The following PLXNB3 variants were observed in gnomAD, a reference collection of about 807,000 sequenced individuals.
The protein encoded by PLXNB3 is plexin B3, also known as plexin-B3.
Under a neutral mutation model 125.7 loss-of-function variants are expected in PLXNB3, and 80 were observed. The ratio of observed to expected loss-of-function variants is 0.64; its 90% CI spans 0.53 to 0.77. PLXNB3 has a LOEUF of 0.77. PLXNB3 is among the 30% of genes least tolerant of loss of function. PLXNB3 has a pLI of 0.00. For synonymous variants in PLXNB3, 954 were observed against 783.3 expected, an observed-to-expected ratio of 1.22 and a Z score of -3.64; for missense variants, 1,836 against 1,729.3, an observed-to-expected ratio of 1.06 and a Z score of -1.09.
chrX:153,768,827 G>A, intron 4 of PLXNB3, 121 bp from the exon 5 acceptor site: 2 of 841,797 alleles, frequency 2.4e-6, no homozygotes, highest in Non-Finnish European at 3.4e-6. Flanking sequence ...GTCCTCCCTC[G>A]ATGGCCCGGC....
In PLXNB3 at chrX:153,774,403, C is replaced by T. The variant is rs1557063226; in HGVS notation, c.3679-17C>T. 2.6e-6 allele frequency: 3 copies of T among 1,169,738 alleles called. No homozygotes were observed. The highest frequency in any genetic ancestry group is 3.4e-6 in the Non-Finnish European group (3 of 873,326). ...GGTGCCGCCAGCATGCACTCAGGAACCCTGCCCGCCCCCCAGGTGCAGATG... is the reference window on the plus strand; with the variant it reads ...GGTGCCGCCAGCATGCACTCAGGAATCCTGCCCGCCCCCCAGGTGCAGATG... On this transcript the variant is annotated splice_polypyrimidine_tract_variant and intron_variant, in intron 21 of 35. Transcript: ENST00000361971.
chrX:153,771,234 G>T, intron 12 of PLXNB3, 76 bp from the exon 13 acceptor site: 1 of 963,647 alleles, frequency 1.0e-6, no homozygotes, highest in Non-Finnish European at 1.5e-6. Context: ...ATTCATTCTG[G>T]GGGGTGGCCC....
chrX:153,768,866 C>A, intron 4 of PLXNB3, 82 bp from the exon 5 acceptor site: 3 of 1,082,019 alleles, frequency 2.8e-6, no homozygotes, highest in African/African-American at 1.8e-5. Context: ...TAAAAAGGAG[C>A]CCCCACTAGG....
At chrX:153,773,469 G>A (rs782751711) in intron 18 of PLXNB3, 49 bp from the exon 19 acceptor site, 2 of 1,183,178 alleles carry the variant, frequency 1.7e-6, no homozygotes. Flanking sequence ...ATGCGGGCTG[G>A]GCTATGTTGC....
Position 153,778,106 on chromosome X carries a change from T to G in PLXNB3, c.5409+11T>G. Reference sequence around the variant, plus strand: ...CATAAAGTGGGCCGGGTGAGAGCAGTGCCAGCAGCAGCAGCTGGCAGGGGC... The same window carrying G: ...CATAAAGTGGGCCGGGTGAGAGCAGGGCCAGCAGCAGCAGCTGGCAGGGGC... On this transcript the variant is annotated intron_variant, in intron 32 of 35. Coordinates refer to ENST00000361971, the MANE Select transcript of PLXNB3 (RefSeq NM_005393.3). 1 of 1,211,180 alleles carries G rather than the reference T, an allele frequency of 8.3e-7. No individual in the cohort carries two copies. The highest frequency in any genetic ancestry group is 1.1e-6 in the Non-Finnish European group (1 of 895,298).
Position 153,779,217 on chromosome X carries a change from TC to T in PLXNB3, c.*184del, listed in dbSNP as rs1282790147. 1.9e-5 allele frequency: 5 copies of T among 267,552 alleles called. No homozygotes were observed. In the East Asian group the frequency reaches 2.5e-4, roughly 14 times the overall value. 22.0% of individuals were successfully genotyped at this position (267,552 alleles called of 1,213,427 possible). A position where few individuals can be genotyped will look rare whatever the true frequency, so the allele number is the denominator to read the frequency against. Reference sequence around the variant, plus strand: ...ACCTCCCCTGCCAGCCCACCCACCTTCCCCCCACCTGAGATTGTTTCTAATT... The same window carrying T: ...ACCTCCCCTGCCAGCCCACCCACCTTCCCCCACCTGAGATTGTTTCTAATT... On this transcript the variant is annotated 3_prime_UTR_variant, in exon 36 of 36. Transcript: ENST00000361971.
At chrX:153,773,451 A>G in intron 18 of PLXNB3, 45 bp downstream of exon 18, 1 of 1,185,723 alleles carries the variant, frequency 8.4e-7, no homozygotes, top group South Asian at 1.8e-5. Context: ...CGCAGGAGGG[A>G]AGGTGGGATG....
rs781803943 is a variant in PLXNB3, at chrX:153,777,242, G to T, written c.4962G>T (p.Gly1654=). 5 of 1,178,889 alleles carry T rather than the reference G, an allele frequency of 4.2e-6. No individual in the cohort carries two copies. In the South Asian group the frequency reaches 7.5e-5, roughly 18 times the overall value. ...IPTLEDGEEG[G]VCLWHLVKAT... is the part of the protein sequence containing the mutation. The stretch of plus-strand genomic sequence containing the variant: ...CGCTGGAGGATGGCGAGGAGGGGGG[G>T]GTGTGCCTCTGGCACCTGGTGAAAG... The change falls in exon 30 of 36, where the codon GGG becomes GGT. Residue 1654 remains glycine (G), a synonymous_variant. Coordinates refer to ENST00000361971, the MANE Select transcript of PLXNB3 (RefSeq NM_005393.3).
At position 153,771,626 on chromosome X, in the gene PLXNB3, C is replaced by T. The variant is rs781799894; in HGVS notation, c.2488C>T (p.Leu830=). The T allele has an allele frequency of 6.7e-6, 8 of 1,195,082 alleles. No homozygotes were observed. In the Admixed American group the frequency reaches 1.3e-4, roughly 20 times the overall value. Residue 830 remains leucine, a synonymous_variant, in exon 14 of 36, where the codon CTG becomes TTG. Coordinates refer to ENST00000361971, the MANE Select transcript of PLXNB3 (RefSeq NM_005393.3). ...GPLCPPGAVE[L]LCPAPSIDAV... ...CTTGTGCCCGCCGGGGGCTGTGGAG[C>T]TGCTGTGTCCTGCGCCCAGCATTGA... is the stretch of plus-strand genomic sequence containing the variant.
In PLXNB3 at chrX:153,779,305, A is replaced by G; in HGVS notation, c.*266A>G. 3.8e-6 allele frequency: 1 copy of G among 260,029 alleles called. No individual in the cohort carries two copies. Among genetic ancestry groups the G allele is most frequent in the Non-Finnish European group, 6.8e-6 (1 of 147,414 alleles). 21.4% of individuals were successfully genotyped at this position (260,029 alleles called of 1,213,427 possible). ...ATTTATTTGCCTGCTGGAAAATCACATCCGGAAATAAAATAGAAATATGTC... is the reference window on the plus strand; with the variant it reads ...ATTTATTTGCCTGCTGGAAAATCACGTCCGGAAATAAAATAGAAATATGTC... On this transcript the variant is annotated 3_prime_UTR_variant, in exon 36 of 36. Transcript: ENST00000361971.
chrX:153,768,670 C>G (rs781959914), intron 4 of PLXNB3, among the ~76,000 whole-genome samples: 1 of 112,211 alleles, frequency 8.9e-6, no homozygotes, highest in Admixed American at 9.4e-5. Flanking sequence ...CTCCTGGTGA[C>G]CTTCCTGTCT....
chrX:153,775,587 C>G lies in PLXNB3; in HGVS notation c.4335-7C>G. 8.3e-7 allele frequency: 1 copy of G among 1,209,613 alleles called. No individual in the cohort carries two copies. Among genetic ancestry groups the G allele is most frequent in the Non-Finnish European group, 1.1e-6 (1 of 894,007 alleles). ...AAAGGCCTGACCCTGTGGCCGGCTC[C>G]CCGCAGGACAGAGACCATGGTGGAG... On this transcript the variant is annotated splice_polypyrimidine_tract_variant and splice_region_variant and intron_variant, in intron 25 of 35. Coordinates refer to ENST00000361971, the MANE Select transcript of PLXNB3 (RefSeq NM_005393.3).
Position 153,777,237 on chromosome X carries a change from G to T in PLXNB3, c.4957G>T (p.Gly1653Trp), listed in dbSNP as rs782787926. 1.3e-5 allele frequency: 15 copies of T among 1,172,176 alleles called. No homozygotes were observed. Among genetic ancestry groups the T allele is most frequent in the Admixed American group, 2.4e-5 (1 of 40,954 alleles). The change falls in exon 30 of 36, where the codon GGG becomes TGG. Residue 1653 changes from glycine to tryptophan, a missense_variant. Coordinates refer to ENST00000361971, the MANE Select transcript of PLXNB3 (RefSeq NM_005393.3). ...ACCCACGCTGGAGGATGGCGAGGAG[G>T]GGGGGGTGTGCCTCTGGCACCTGGT... ...NIPTLEDGEE[G>W]GVCLWHLVKA...
intron 4 of PLXNB3, 29 bp downstream of exon 4, chrX:153,768,457 G>A: frequency 8.6e-7 from 1 of 1,158,900 alleles, no homozygotes; most frequent in Non-Finnish European, 1.2e-6. Flanking sequence ...TGTCCGGCTG[G>A]GTGTGCCCCT....
chrX:153,773,548 C>A lies in PLXNB3; in HGVS notation c.3114C>A (p.Thr1038=). Reference sequence around the variant, plus strand: ...GGCGACTGATCCGTGTCAGGGGCACCGGCCTAGACGTGGTGCAGCGGCCCC... The same window carrying A: ...GGCGACTGATCCGTGTCAGGGGCACAGGCCTAGACGTGGTGCAGCGGCCCC... ...GGGRLIRVRG[T]GLDVVQRPLL... Residue 1038 remains threonine, a synonymous_variant, in exon 19 of 36, where the codon ACC becomes ACA. Coordinates refer to ENST00000361971, the MANE Select transcript of PLXNB3 (RefSeq NM_005393.3). 8.3e-7 allele frequency: 1 copy of A among 1,200,540 alleles called. No homozygotes were observed.
At chrX:153,766,433 C>T in intron 2 of PLXNB3, 1 of 1,078,484 alleles carries the variant, frequency 9.3e-7, no homozygotes. Context: ...CGCGCTGTGA[C>T]ACAGCTTCCG....
At chrX:153,769,137 C>A (rs781808116) in intron 5 of PLXNB3, 25 bp from the exon 6 acceptor site, 1 of 1,196,460 alleles carries the variant, frequency 8.4e-7, no homozygotes. Flanking sequence ...GTGCCCATTG[C>A]CTCTCTGCTC....
rs374111928 is a variant in PLXNB3, at chrX:153,767,680, G to A, written c.853G>A (p.Gly285Ser). ...CGTGGAGGTCCCCCTCGCCTGCCAG[G>A]GCCAGGGCCTCATCCAGGCCGCCTT... is the stretch of plus-strand genomic sequence containing the variant. ...SYVEVPLACQ[G>S]QGLIQAAFLA... Residue 285 changes from glycine (G) to serine (S), a missense_variant, in exon 3 of 36, where the codon GGC (glycine) becomes AGC (serine). Gly to Ser is a moderately conservative substitution (Grantham distance 56). Coordinates refer to ENST00000361971, the MANE Select transcript of PLXNB3 (RefSeq NM_005393.3). The A allele has an allele frequency of 5.0e-6, 6 of 1,188,730 alleles. No individual in the cohort carries two copies. Among genetic ancestry groups the A allele is most frequent in the Non-Finnish European group, 6.8e-6 (6 of 883,941 alleles).
At position 153,766,691 on chromosome X, in the gene PLXNB3, C is replaced by T. The variant is rs145347500; in HGVS notation, c.46-182C>T. On this transcript the variant is annotated intron_variant, in intron 2 of 35. Transcript: ENST00000361971. Reference sequence around the variant, plus strand: ...ACACTGTCTTTGTCCCTCCTTATGTCCCCCTCTCTCTGTGCCCCCTCTGTC... The same window carrying T: ...ACACTGTCTTTGTCCCTCCTTATGTTCCCCTCTCTCTGTGCCCCCTCTGTC... 187 of 727,286 alleles carry T rather than the reference C, an allele frequency of 2.6e-4. 1 individual carries two copies. In the Admixed American group the frequency reaches 9.6e-3, roughly 37 times the overall value. 59.9% of individuals were successfully genotyped at this position (727,286 alleles called of 1,213,427 possible). A position where few individuals can be genotyped will look rare whatever the true frequency, so the allele number is the denominator to read the frequency against.
Sources: allele counts gnomAD v4.1 joint callset (sites outside exome capture counted in the v4.1 genomes callset), GRCh38; gene constraint gnomAD v4.1.1; transcripts MANE v1.5; gene names NCBI Gene and HGNC (gene_info 2026-07-23, HGNC 2026-07-21).